Variants in DYNLT2 observed in about 807,000 individuals in gnomAD.
DYNLT2 encodes the protein dynein light chain Tctex-type 2.
In DYNLT2, 24 loss-of-function variants were observed where a neutral mutation model predicts 24.3. The observed-to-expected ratio is 0.99, with a 90% confidence interval of 0.71 to 1.39. The LOEUF is 1.39. Among genes scored for constraint, DYNLT2 ranks in the 40% most tolerant of loss-of-function variants. The pLI is 0.00. For missense variants in DYNLT2, 246 were observed against 234.5 expected (o/e 1.05, Z -0.32); for synonymous variants, 85 against 85.4 (o/e 1.00, Z 0.03).
At chr6:169,730,578 T>C in the DYNLT2 span, among the ~76,000 whole-genome samples, 1 of 152,124 alleles carries the variant, frequency 6.6e-6, no homozygotes, top group Non-Finnish European at 1.5e-5. Flanking sequence ...GTTGGGAATA[T>C]AGAGGAGCCT....
chr6:169,732,686 G>A, the DYNLT2 span, among the ~76,000 whole-genome samples: 2 of 152,128 alleles, frequency 1.3e-5, no homozygotes, highest in Non-Finnish European at 2.9e-5. Flanking sequence ...GTCTATCATT[G>A]ATGGGCATTT....
At chr6:169,747,813 T>C (rs955295575) in intron 1 of DYNLT2, among the ~76,000 whole-genome samples, 2 of 152,348 alleles carry the variant, frequency 1.3e-5, no homozygotes, top group South Asian at 4.1e-4. Flanking sequence ...TTTTCGTGCT[T>C]TTCTGTAGGT....
In DYNLT2 at chr6:169,751,496, C is replaced by T; in HGVS notation, c.-38G>A. 6.2e-7 allele frequency: 1 copy of T among 1,611,480 alleles called. No homozygotes were observed. The highest frequency in any genetic ancestry group is 8.5e-7 in the Non-Finnish European group (1 of 1,178,756). ...TCCAAGACGCCCACCGCCTCCCCTT[C>T]ACCGCCGGCGGTCAAACGCCCTAGC... On this transcript the variant is annotated 5_prime_UTR_variant, in exon 1 of 4. Coordinates refer to ENST00000366774, the MANE Select transcript of DYNLT2 (RefSeq NM_174910.3).
At chr6:169,737,764 C>T (rs528528417), downstream of DYNLT2, among the ~76,000 whole-genome samples, 140 of 152,256 alleles carry the variant, frequency 9.2e-4, no homozygotes, top group Admixed American at 1.6e-3. Context: ...ATCTGACAAC[C>T]CCTGTTGGAG....
At chr6:169,737,682 G>C (rs1188738456), downstream of DYNLT2, among the ~76,000 whole-genome samples, 1 of 152,162 alleles carries the variant, frequency 6.6e-6, no homozygotes, top group Non-Finnish European at 1.5e-5. Flanking sequence ...ATGGGTGCCT[G>C]CTCCTTTTTC....
chr6:169,733,269 T>TA, the DYNLT2 span, among the ~76,000 whole-genome samples: 1 of 152,208 alleles, frequency 6.6e-6, no homozygotes, highest in African/African-American at 2.4e-5. Context: ...TCTTTTGCTG[T>TA]ACAGAAGCTC....
chr6:169,730,793 G>A, the DYNLT2 span, among the ~76,000 whole-genome samples: 3 of 152,190 alleles, frequency 2.0e-5, no homozygotes, highest in African/African-American at 7.2e-5. Context: ...AGCTACTCAG[G>A]AGGCTGAGGC....
chr6:169,740,810 A>G lies in DYNLT2; in HGVS notation c.487-515T>C, dbSNP rs555673657. On this transcript the variant is annotated intron_variant, in intron 3 of 3. Coordinates refer to ENST00000366774, the MANE Select transcript of DYNLT2 (RefSeq NM_174910.3). The stretch of plus-strand genomic sequence containing the variant: ...TTGTGGAGGATCTAAAATGGCCCCA[A>G]TTTTTTTTTTTTTTTGAGACATAGT... Among the ~76,000 whole-genome samples the G allele has an allele frequency of 2.4e-3, 340 of 144,342 alleles. 2 individuals are homozygous for G. Among genetic ancestry groups the G allele is most frequent in the African/African-American group, 8.1e-3 (319 of 39,570 alleles). The allele number at this position is 144,342 out of a possible 152,430, so 94.7% of individuals were successfully genotyped here. A position where few individuals can be genotyped will look rare whatever the true frequency, so the allele number is the denominator to read the frequency against.
At chr6:169,738,268 C>T (rs1789601819), downstream of DYNLT2, among the ~76,000 whole-genome samples, 1 of 152,218 alleles carries the variant, frequency 6.6e-6, no homozygotes, top group African/African-American at 2.4e-5. Context: ...GCTGCCCCTC[C>T]CACAAGGAGT....
At chr6:169,726,983 AAGAT>A in the DYNLT2 span, among the ~76,000 whole-genome samples, 1 of 152,218 alleles carries the variant, frequency 6.6e-6, no homozygotes, top group Non-Finnish European at 1.5e-5. Flanking sequence ...TTGTGGAAGT[AAGAT>A]AGAGAAGGAA....
intron 3 of DYNLT2, among the ~76,000 whole-genome samples, chr6:169,742,689 C>G (rs1299179537): frequency 6.6e-6 from 1 of 152,062 alleles, no homozygotes; most frequent in Non-Finnish European, 1.5e-5. Flanking sequence ...ACCTCTGCTT[C>G]CCAGTCTCAA....
At chr6:169,746,821 A>C (rs1023996123) in intron 1 of DYNLT2, among the ~76,000 whole-genome samples, 13 of 151,798 alleles carry the variant, frequency 8.6e-5, no homozygotes, top group Admixed American at 7.2e-4. Flanking sequence ...ATTTTAGTGA[A>C]CCTGTGCTTC....
At chr6:169,729,805 C>A in the DYNLT2 span, among the ~76,000 whole-genome samples, 1 of 152,066 alleles carries the variant, frequency 6.6e-6, no homozygotes, top group African/African-American at 2.4e-5. Flanking sequence ...CCCCCACCCC[C>A]ACCAAGGAAA....
chr6:169,731,489 T>C, the DYNLT2 span, among the ~76,000 whole-genome samples: 1 of 152,166 alleles, frequency 6.6e-6, no homozygotes, highest in African/African-American at 2.4e-5. Context: ...CCTGCCTCAT[T>C]CTTGGAAGCA....
intron 3 of DYNLT2, among the ~76,000 whole-genome samples, chr6:169,742,564 C>T (rs1219133112): frequency 1.3e-5 from 2 of 152,116 alleles, no homozygotes; most frequent in South Asian, 4.1e-4. Context: ...AATAGCAGTG[C>T]AATTTAATAA....
the DYNLT2 span, among the ~76,000 whole-genome samples, chr6:169,726,291 G>C: frequency 6.6e-6 from 1 of 151,872 alleles, no homozygotes; most frequent in East Asian, 1.9e-4. Context: ...AGGCAGCTTA[G>C]GTGGGAAAAC....
At chr6:169,725,574 CA>C in the DYNLT2 span, 1 of 366,214 alleles carries the variant, frequency 2.7e-6, no homozygotes, top group Non-Finnish European at 4.8e-6. Context: ...CTGAATCTGC[CA>C]AGAAGAAACT....
chr6:169,740,106 TTA>T, downstream of DYNLT2: 1 of 922,410 alleles, frequency 1.1e-6, no homozygotes, highest in African/African-American at 1.7e-5. Flanking sequence ...ATCAGAAATA[TTA>T]TGAGGTTTAC....
chr6:169,743,052 C>A, intron 3 of DYNLT2, 28 bp downstream of exon 3: 1 of 1,459,112 alleles, frequency 6.9e-7, no homozygotes, highest in Non-Finnish European at 9.2e-7. Context: ...GTTCTAATTG[C>A]TAGATCCTGT....
Sources: allele counts gnomAD v4.1 joint callset (sites outside exome capture counted in the v4.1 genomes callset), GRCh38; gene constraint gnomAD v4.1.1; transcripts MANE v1.5; gene names NCBI Gene and HGNC (gene_info 2026-07-23, HGNC 2026-07-21).